Variants in AKR1C8 observed in about 807,000 individuals in gnomAD.
AKR1C8 encodes the protein aldo-keto reductase family 1 member C8, also known as aldo-keto reductase family 1 member C-like protein 1.
chr10:5,154,083 CCT>C, the AKR1C8 span: 4 of 454,720 alleles, frequency 8.8e-6, no homozygotes, highest in East Asian at 2.1e-4. Context: ...ATACTGAAAT[CCT>C]CTCTCTGTCA....
At chr10:5,132,422 AATG>A in the AKR1C8 span, among the ~76,000 whole-genome samples, 3 of 152,234 alleles carry the variant, frequency 2.0e-5, no homozygotes, top group Non-Finnish European at 2.9e-5. Context: ...TGAACACAAC[AATG>A]ATGAGAAAGA....
the AKR1C8 span, among the ~76,000 whole-genome samples, chr10:5,179,126 C>G: frequency 6.6e-6 from 1 of 152,156 alleles, no homozygotes; most frequent in Admixed American, 6.5e-5. Context: ...CTGGTTGTTC[C>G]TTTCCATGTT....
the AKR1C8 span, among the ~76,000 whole-genome samples, chr10:5,183,975 T>C: frequency 6.6e-6 from 1 of 152,202 alleles, no homozygotes; most frequent in African/African-American, 2.4e-5. Context: ...TTTGTGGGCA[T>C]GTATATGGTG....
the AKR1C8 span, among the ~76,000 whole-genome samples, chr10:5,147,537 C>CAA: frequency 5.4e-4 from 79 of 145,550 alleles, no homozygotes; most frequent in East Asian, 5.6e-3. Context: ...AAAAATTAAC[C>CAA]AAAAAAAAAA....
chr10:5,175,748 G>A, the AKR1C8 span, among the ~76,000 whole-genome samples: 2 of 152,130 alleles, frequency 1.3e-5, no homozygotes, highest in Non-Finnish European at 1.5e-5. Flanking sequence ...ATTTTTTCAT[G>A]TGTTTTTTTG....
the AKR1C8 span, among the ~76,000 whole-genome samples, chr10:5,175,619 A>G: frequency 6.6e-6 from 1 of 152,296 alleles, no homozygotes; most frequent in South Asian, 2.1e-4. Context: ...CTATTTCTCC[A>G]CATCCTCTCC....
At chr10:5,160,961 G>A in the AKR1C8 span, 613 of 458,924 alleles carry the variant, frequency 1.3e-3, 3 homozygotes, top group African/African-American at 0.011. Flanking sequence ...TAAGGAGCTC[G>A]GCCAAACAAC....
the AKR1C8 span, among the ~76,000 whole-genome samples, chr10:5,143,270 C>T: frequency 6.6e-6 from 1 of 152,138 alleles, no homozygotes; most frequent in African/African-American, 2.4e-5. Context: ...CCATCTTCTA[C>T]CCGTGGACAT....
At chr10:5,143,097 C>A in the AKR1C8 span, among the ~76,000 whole-genome samples, 1 of 151,898 alleles carries the variant, frequency 6.6e-6, no homozygotes, top group African/African-American at 2.4e-5. Context: ...TCTGGGTGTA[C>A]CTGTGAGGAT....
chr10:5,122,833 G>A, the AKR1C8 span, among the ~76,000 whole-genome samples: 1 of 151,930 alleles, frequency 6.6e-6, no homozygotes, highest in Non-Finnish European at 1.5e-5. Flanking sequence ...CATAGAAAGA[G>A]ACAAGCAAAC....
At chr10:5,127,088 C>T in the AKR1C8 span, among the ~76,000 whole-genome samples, 1 of 152,092 alleles carries the variant, frequency 6.6e-6, no homozygotes, top group East Asian at 1.9e-4. Flanking sequence ...AAAAAGATCA[C>T]ACTAGCTCCC....
chr10:5,134,166 G>A, the AKR1C8 span, among the ~76,000 whole-genome samples: 37,553 of 151,978 alleles, frequency 0.25, 4,794 homozygotes, highest in Middle Eastern at 0.37. Flanking sequence ...GCCTTCCCCT[G>A]ATACCAGCCC....
At chr10:5,151,106 G>C in the AKR1C8 span, among the ~76,000 whole-genome samples, 3 of 152,170 alleles carry the variant, frequency 2.0e-5, no homozygotes, top group East Asian at 5.8e-4. Flanking sequence ...GTTCATGGGT[G>C]GGGGGCACAA....
chr10:5,135,973 A>G, the AKR1C8 span, among the ~76,000 whole-genome samples: 2 of 152,330 alleles, frequency 1.3e-5, no homozygotes, highest in African/African-American at 4.8e-5. Context: ...AAGAAAATGC[A>G]GAAATTATGA....
At chr10:5,138,292 C>G in the AKR1C8 span, among the ~76,000 whole-genome samples, 1 of 152,064 alleles carries the variant, frequency 6.6e-6, no homozygotes, top group South Asian at 2.1e-4. Context: ...CCCAGTAATG[C>G]ATTCCCTTCC....
chr10:5,148,450 T>A, the AKR1C8 span, among the ~76,000 whole-genome samples: 1 of 152,142 alleles, frequency 6.6e-6, no homozygotes, highest in East Asian at 1.9e-4. Context: ...GAAAGAAAAA[T>A]GCAAGTCACA....
chr10:5,147,288 C>T, the AKR1C8 span, among the ~76,000 whole-genome samples: 2 of 152,142 alleles, frequency 1.3e-5, no homozygotes, highest in Non-Finnish European at 2.9e-5. Flanking sequence ...ATAACAATCC[C>T]ACTAGGCCCC....
chr10:5,159,808 C>A, the AKR1C8 span: 26 of 472,320 alleles, frequency 5.5e-5, no homozygotes, highest in African/African-American at 4.8e-4. Context: ...CAAGCAGAAA[C>A]TTGGAGACAT....
At chr10:5,164,729 G>T in the AKR1C8 span, among the ~76,000 whole-genome samples, 2 of 151,968 alleles carry the variant, frequency 1.3e-5, no homozygotes, top group African/African-American at 4.8e-5. Flanking sequence ...TTTCTTTCAT[G>T]GAAGACCTAC....
Sources: gnomAD v4.1 joint callset for allele counts (sites outside exome capture counted in the v4.1 genomes callset) on GRCh38, gnomAD v4.1.1 for gene constraint, MANE v1.5 for transcripts, NCBI Gene and HGNC (gene_info 2026-07-23, HGNC 2026-07-21) for gene names.